MACROD2: variants seen among roughly 807,000 people sequenced by gnomAD.
MACROD2 encodes ADP-ribose glycohydrolase MACROD2.
Under a neutral mutation model 70.4 loss-of-function variants are expected in MACROD2, and 36 were observed. That is an observed-to-expected ratio of 0.51 (90% CI 0.39 to 0.68). The LOEUF (loss-of-function observed/expected upper bound fraction) is 0.68. Ranked by LOEUF, MACROD2 falls within the 30% of genes least tolerant of loss-of-function variation. The pLI is 0.00. For synonymous variants in MACROD2, 172 were observed against 178.8 expected, an observed-to-expected ratio of 0.96 and a Z score of 0.30; for missense variants, 496 against 538.4, an observed-to-expected ratio of 0.92 and a Z score of 0.78.
At chr20:15,065,472 A>T (rs433888) in intron 5 of MACROD2, among the ~76,000 whole-genome samples, 3 of 151,826 alleles carry the variant, frequency 2.0e-5, no homozygotes, top group African/African-American at 4.8e-5. Context: ...TGACTAACAC[A>T]GTGAAACCCC....
chr20:14,362,034 GTA>G (rs542862358), intron 3 of MACROD2, among the ~76,000 whole-genome samples: 117 of 152,288 alleles, frequency 7.7e-4, no homozygotes, highest in African/African-American at 2.7e-3. Flanking sequence ...TATAGCTTTA[GTA>G]TTGATGGTTT....
intron 3 of MACROD2, among the ~76,000 whole-genome samples, chr20:14,177,205 A>C (rs1050499063): frequency 6.6e-6 from 1 of 152,112 alleles, no homozygotes; most frequent in South Asian, 2.1e-4. Flanking sequence ...TGTTACAAAC[A>C]TGTAACAAAA....
intron 4 of MACROD2, among the ~76,000 whole-genome samples, chr20:14,528,334 T>TTC (rs1489531535): frequency 6.6e-6 from 1 of 151,106 alleles, no homozygotes; most frequent in Non-Finnish European, 1.5e-5. Context: ...TTTTTTTTTT[T>TTC]CAGTAGAGAT....
At chr20:14,586,445 A>G (rs113524576) in intron 4 of MACROD2, among the ~76,000 whole-genome samples, 8 of 152,256 alleles carry the variant, frequency 5.3e-5, no homozygotes, top group African/African-American at 1.4e-4. Context: ...TACACAGATG[A>G]CATTCAGGAA....
intron 5 of MACROD2, among the ~76,000 whole-genome samples, chr20:14,731,258 C>T (rs1245695849): frequency 1.3e-5 from 2 of 152,042 alleles, no homozygotes; most frequent in Admixed American, 6.6e-5. Context: ...TGGGAGGAAA[C>T]GTGCCTGTCC....
intron 3 of MACROD2, among the ~76,000 whole-genome samples, chr20:14,415,394 C>A (rs1349587990): frequency 6.6e-6 from 1 of 151,406 alleles, no homozygotes; most frequent in African/African-American, 2.5e-5. Context: ...ATATTTACAG[C>A]TTATTTAAAA....
chr20:14,860,784 T>C (rs903615499), intron 5 of MACROD2, among the ~76,000 whole-genome samples: 1 of 151,972 alleles, frequency 6.6e-6, no homozygotes, highest in African/African-American at 2.4e-5. Context: ...TGCCAGCAAA[T>C]GAAATTTACA....
chr20:14,350,708 G>A (rs1000103998), intron 3 of MACROD2, among the ~76,000 whole-genome samples: 1 of 152,086 alleles, frequency 6.6e-6, no homozygotes, highest in Non-Finnish European at 1.5e-5. Flanking sequence ...TCTGTGGGTT[G>A]TCTCTTCACT....
At chr20:14,517,794 C>T (rs533893116) in intron 4 of MACROD2, among the ~76,000 whole-genome samples, 7 of 152,030 alleles carry the variant, frequency 4.6e-5, no homozygotes, top group South Asian at 2.1e-4. Flanking sequence ...ATCCTTTTCC[C>T]GTTGATTTTA....
At chr20:15,006,153 G>A (rs1325368697) in intron 5 of MACROD2, among the ~76,000 whole-genome samples, 3 of 150,302 alleles carry the variant, frequency 2.0e-5, no homozygotes, top group Admixed American at 6.6e-5. Context: ...GTGTGTGTGT[G>A]TGTGTGTGTG....
intron 5 of MACROD2, among the ~76,000 whole-genome samples, chr20:14,728,502 T>C (rs2071556148): frequency 6.6e-6 from 1 of 152,228 alleles, no homozygotes; most frequent in African/African-American, 2.4e-5. Context: ...TTTTGTCTTC[T>C]GGCTAAAGCC....
chr20:14,599,670 G>C (rs1270867771), intron 4 of MACROD2, among the ~76,000 whole-genome samples: 1 of 152,184 alleles, frequency 6.6e-6, no homozygotes, highest in Non-Finnish European at 1.5e-5. Context: ...TGGAAGCACA[G>C]CCATGTGCTG....
chr20:15,604,238 G>A (rs1464891562), intron 8 of MACROD2, among the ~76,000 whole-genome samples: 1 of 152,172 alleles, frequency 6.6e-6, no homozygotes, highest in Non-Finnish European at 1.5e-5. Flanking sequence ...AGAGGAGGAA[G>A]GATTGATCAA....
At chr20:14,972,917 T>C (rs972603485) in intron 5 of MACROD2, among the ~76,000 whole-genome samples, 14 of 152,242 alleles carry the variant, frequency 9.2e-5, no homozygotes, top group Non-Finnish European at 1.2e-4. Flanking sequence ...AGAAACTCGC[T>C]GTTATCCTTT....
intron 6 of MACROD2, among the ~76,000 whole-genome samples, chr20:15,308,350 T>TA (rs1013520067): frequency 2.6e-5 from 4 of 152,108 alleles, no homozygotes; most frequent in Admixed American, 6.6e-5. Flanking sequence ...TGAACAATAA[T>TA]AAAAAAATTT....
At chr20:15,482,642 A>C (rs1293024433) in intron 7 of MACROD2, among the ~76,000 whole-genome samples, 1 of 152,210 alleles carries the variant, frequency 6.6e-6, no homozygotes, top group African/African-American at 2.4e-5. Context: ...AGAAACTGAC[A>C]AACTGTCTTC....
intron 5 of MACROD2, among the ~76,000 whole-genome samples, chr20:14,812,412 G>A (rs1437890689): frequency 6.6e-6 from 1 of 152,016 alleles, no homozygotes; most frequent in African/African-American, 2.4e-5. Flanking sequence ...ACACACCAGG[G>A]CCTGTTGGGA....
chr20:15,711,183 G>A (rs866597433), intron 8 of MACROD2, among the ~76,000 whole-genome samples: 5 of 152,158 alleles, frequency 3.3e-5, no homozygotes, highest in African/African-American at 1.2e-4. Context: ...GTATAGGTGT[G>A]GGTGAGGTGA....
chr20:14,222,198 G>A (rs1350620149), intron 3 of MACROD2, among the ~76,000 whole-genome samples: 1 of 151,970 alleles, frequency 6.6e-6, no homozygotes, highest in African/African-American at 2.4e-5. Flanking sequence ...ACTTATCACA[G>A]CACAATATTC....
Sources: gnomAD v4.1 joint callset for allele counts (sites outside exome capture counted in the v4.1 genomes callset) on GRCh38, gnomAD v4.1.1 for gene constraint, MANE v1.5 for transcripts, NCBI Gene and HGNC (gene_info 2026-07-23, HGNC 2026-07-21) for gene names.